The following POLK variants were observed in gnomAD, a reference collection of about 807,000 sequenced individuals.
POLK encodes polymerase (DNA directed) kappa.
POLK carries 76 observed loss-of-function variants against 94.0 expected under a neutral mutation model. That is an observed-to-expected ratio of 0.81 (90% CI 0.67 to 0.98). The LOEUF (loss-of-function observed/expected upper bound fraction) is 0.98, where lower values mean the gene tolerates loss of function less well. Ranked by LOEUF, POLK falls within the 50% of genes least tolerant of loss-of-function variation. The probability of loss-of-function intolerance (pLI) is 0.00; values close to 1 mark genes in which losing one functional copy is unlikely to be tolerated. For synonymous variants in POLK, 349 were observed against 325.4 expected (o/e 1.07, Z -0.78); for missense variants, 954 against 1,010.1 (o/e 0.94, Z 0.75).
chr5:75,555,987 G>A (rs1435868303), intron 3 of POLK, among the ~76,000 whole-genome samples: 4 of 152,216 alleles, frequency 2.6e-5, no homozygotes. Context: ...AGGCTTATGT[G>A]TAGACATAAG....
intron 10 of POLK, among the ~76,000 whole-genome samples, chr5:75,587,775 G>T (rs1390327227): frequency 2.0e-5 from 3 of 152,092 alleles, no homozygotes; most frequent in African/African-American, 7.2e-5. Flanking sequence ...ACAAAAATCA[G>T]CCCGGTGTGG....
chr5:75,528,129 AC>A (rs1768962800), intron 1 of POLK, among the ~76,000 whole-genome samples: 1 of 152,218 alleles, frequency 6.6e-6, no homozygotes, highest in African/African-American at 2.4e-5. Context: ...AAGAAAACAG[AC>A]TAGAAAACAA....
At chr5:75,531,829 C>G (rs1054155585) in intron 1 of POLK, among the ~76,000 whole-genome samples, 1 of 152,036 alleles carries the variant, frequency 6.6e-6, no homozygotes. Flanking sequence ...AAACTTATCT[C>G]ATACTTTCTG....
chr5:75,539,655 T>TA (rs1270931887), intron 1 of POLK, among the ~76,000 whole-genome samples: 1 of 151,998 alleles, frequency 6.6e-6, no homozygotes, highest in Non-Finnish European at 1.5e-5. Context: ...ACAGGCGTCT[T>TA]ACTCTCTTGC....
chr5:75,597,827 T>A lies in POLK; in HGVS notation c.2528+38T>A, dbSNP rs370462536. On this transcript the variant is annotated intron_variant, in intron 14 of 14. Coordinates refer to ENST00000241436, the Ensembl canonical transcript of POLK. ...TGAGCTTTAATAAAGCTGGCTACAA[T>A]ATGAAAATTCAATTATTTTATAAAT... 46 of 1,337,566 alleles carry A rather than the reference T, an allele frequency of 3.4e-5. No individual in the cohort carries two copies. In the African/African-American group the frequency reaches 6.3e-4, roughly 18 times the overall value. 82.9% of individuals were successfully genotyped at this position (1,337,566 alleles called of 1,614,324 possible).
intron 9 of POLK, among the ~76,000 whole-genome samples, chr5:75,585,828 C>T (rs975294539): frequency 6.6e-6 from 1 of 152,106 alleles, no homozygotes; most frequent in African/African-American, 2.4e-5. Flanking sequence ...TGTATTTAAA[C>T]TAAAGGACAA....
chr5:75,517,550 T>C (rs554802111), intron 1 of POLK, among the ~76,000 whole-genome samples: 28 of 152,332 alleles, frequency 1.8e-4, no homozygotes, highest in African/African-American at 6.7e-4. Context: ...GTGGAGTCTT[T>C]AGGGGTTTTG....
chr5:75,531,303 T>C (rs1769168503), intron 1 of POLK, among the ~76,000 whole-genome samples: 1 of 149,620 alleles, frequency 6.7e-6, no homozygotes, highest in East Asian at 1.9e-4. Context: ...GTATAAACAA[T>C]ATACTATATA....
At chr5:75,534,427 G>A (rs750151939) in intron 1 of POLK, among the ~76,000 whole-genome samples, 6 of 152,178 alleles carry the variant, frequency 3.9e-5, no homozygotes, top group Admixed American at 2.0e-4. Context: ...GATGAGTTTG[G>A]TTCTTTCATA....
At chr5:75,594,708 T>G (rs1383635778) in intron 12 of POLK, among the ~76,000 whole-genome samples, 10 of 152,232 alleles carry the variant, frequency 6.6e-5, no homozygotes, top group Non-Finnish European at 1.2e-4. Context: ...GTATCACTTG[T>G]TGCTTACAAT....
At chr5:75,602,498 C>G (rs1023346811), downstream of POLK, among the ~76,000 whole-genome samples, 7 of 152,144 alleles carry the variant, frequency 4.6e-5, no homozygotes, top group Admixed American at 4.6e-4. Flanking sequence ...CTGGAGTAAC[C>G]TGAGGCTGCT....
At chr5:75,575,692 CACATTATA>C (rs1196479680) in intron 5 of POLK, among the ~76,000 whole-genome samples, 3 of 152,106 alleles carry the variant, frequency 2.0e-5, no homozygotes, top group Non-Finnish European at 4.4e-5. Context: ...TCTATTTGAG[CACATTATA>C]ACAAGAACAA....
chr5:75,577,856 GCTCT>G (rs1035554515), intron 6 of POLK, among the ~76,000 whole-genome samples: 6 of 152,176 alleles, frequency 3.9e-5, no homozygotes, highest in African/African-American at 7.2e-5. Context: ...CTAAGGGATA[GCTCT>G]CTCTTTTTTT....
chr5:75,510,923 C>G (rs1292862258), upstream of POLK, among the ~76,000 whole-genome samples: 2 of 152,144 alleles, frequency 1.3e-5, no homozygotes, highest in African/African-American at 4.8e-5. Flanking sequence ...TCGGCTGCCC[C>G]CGACGAGCCC....
intron 6 of POLK, among the ~76,000 whole-genome samples, chr5:75,577,657 A>G (rs1310969472): frequency 2.0e-5 from 3 of 152,198 alleles, no homozygotes; most frequent in African/African-American, 4.8e-5. Flanking sequence ...GGAACATTTC[A>G]TGTGCACCAC....
In POLK at chr5:75,519,493, A is replaced by G. The variant is rs369990582; in HGVS notation, c.-14+7579A>G. On this transcript the variant is annotated intron_variant, in intron 1 of 14. Coordinates refer to ENST00000241436, the Ensembl canonical transcript of POLK. Reference sequence around the variant, plus strand: ...GAGTAGGGTGTTGAAGTCTCCTACTATTATTATATTGCACTCTATCTCTCC... The same window carrying G: ...GAGTAGGGTGTTGAAGTCTCCTACTGTTATTATATTGCACTCTATCTCTCC... Among the ~76,000 whole-genome samples the G allele has an allele frequency of 1.9e-4, 29 of 152,294 alleles. No individual in the cohort carries two copies. The South Asian group carries it at 3.9e-3, about 21-fold the overall frequency.
At chr5:75,525,323 T>C (rs1044687043) in intron 1 of POLK, among the ~76,000 whole-genome samples, 8 of 151,670 alleles carry the variant, frequency 5.3e-5, no homozygotes, top group African/African-American at 1.2e-4. Context: ...AAAAGGAAAA[T>C]ATAAAAAATC....
chr5:75,605,772 G>A (rs1422737435), downstream of POLK, among the ~76,000 whole-genome samples: 1 of 152,160 alleles, frequency 6.6e-6, no homozygotes, highest in Non-Finnish European at 1.5e-5. Context: ...GGGACACCAA[G>A]GTTTATACCT....
intron 3 of POLK, among the ~76,000 whole-genome samples, chr5:75,560,406 AAT>A (rs1202100144): frequency 6.6e-6 from 1 of 152,188 alleles, no homozygotes; most frequent in African/African-American, 2.4e-5. Context: ...CCACTTTACA[AAT>A]AAGGAAAGTA....
Sources: allele counts gnomAD v4.1 joint callset (sites outside exome capture counted in the v4.1 genomes callset), GRCh38; gene constraint gnomAD v4.1.1; transcripts MANE v1.5; gene names NCBI Gene and HGNC (gene_info 2026-07-23, HGNC 2026-07-21).